The following PSMB3 variants were observed in gnomAD, a reference collection of about 807,000 sequenced individuals.
PSMB3 encodes the protein proteasome 20S subunit beta 3.
Under a neutral mutation model 23.3 loss-of-function variants are expected in PSMB3, and 5 were observed. That is an observed-to-expected ratio of 0.21 (90% CI 0.11 to 0.45). PSMB3 has a LOEUF of 0.45. Ranked by LOEUF, PSMB3 falls within the 20% of genes least tolerant of loss-of-function variation. The pLI is 0.99. For synonymous variants in PSMB3, 85 were observed against 99.8 expected, an observed-to-expected ratio of 0.85 and a Z score of 0.88; for missense variants, 192 against 277.9, an observed-to-expected ratio of 0.69 and a Z score of 2.20.
intron 2 of PSMB3, chr17:38,755,267 A>C (rs1908104550): frequency 6.6e-6 from 1 of 151,934 alleles, no homozygotes; most frequent in Non-Finnish European, 1.5e-5. Flanking sequence ...CACTGCGCCC[A>C]GCCTAAACAT....
chr17:38,764,072 G>A (rs753127081), intron 5 of PSMB3, 47 bp from the exon 6 acceptor site: 13 of 1,611,442 alleles, frequency 8.1e-6, no homozygotes, highest in Admixed American at 3.3e-5. Flanking sequence ...TCACAGTCAC[G>A]GTCCAGATGG....
At position 38,763,500 on chromosome 17, in the gene PSMB3, T is replaced by TC. The variant is rs1567646821; in HGVS notation, c.570-619_570-618insC. The stretch of plus-strand genomic sequence containing the variant: ...GGCTTGGAGGAGCTTCTTCCCCCTT[T>TC]TTTTTTTTTTTTTTTTTTTGAGATG... On this transcript the variant is annotated intron_variant, in intron 5 of 5. Transcript: ENST00000619426. Among the ~76,000 whole-genome samples the TC allele has an allele frequency of 2.6e-5, 3 of 117,592 alleles. No individual in the cohort carries two copies. The East Asian group carries it at 6.9e-4, about 27-fold the overall frequency. 77.1% of individuals were successfully genotyped at this position (117,592 alleles called of 152,430 possible).
At chr17:38,756,961 G>A (rs1257523798) in intron 3 of PSMB3, among the ~76,000 whole-genome samples, 6 of 148,666 alleles carry the variant, frequency 4.0e-5, no homozygotes, top group South Asian at 2.1e-4. Context: ...TCCACCTCCC[G>A]GGTCCAAGTG....
At chr17:38,753,512 T>C (rs1234428249) in intron 2 of PSMB3, among the ~76,000 whole-genome samples, 178 bp downstream of exon 2, 1 of 151,270 alleles carries the variant, frequency 6.6e-6, no homozygotes, top group Non-Finnish European at 1.5e-5. Context: ...AGGGACTTGC[T>C]CTGTCACCCA....
At chr17:38,760,772 G>C (rs1361555900) in intron 4 of PSMB3, among the ~76,000 whole-genome samples, 164 bp downstream of exon 4, 1 of 152,218 alleles carries the variant, frequency 6.6e-6, no homozygotes, top group Non-Finnish European at 1.5e-5. Flanking sequence ...CATCTGCCAG[G>C]CTGGCTGGCT....
At chr17:38,753,058 G>T in intron 1 of PSMB3, 92 bp from the exon 2 acceptor site, 1 of 1,373,096 alleles carries the variant, frequency 7.3e-7, no homozygotes, top group South Asian at 1.4e-5. Context: ...AATGGAGAAC[G>T]GGCGTACAGG....
At chr17:38,755,680 A>G (rs596696) in intron 2 of PSMB3, among the ~76,000 whole-genome samples, 43,981 of 101,726 alleles carry the variant, frequency 0.43, 9,569 homozygotes, top group East Asian at 0.51. Flanking sequence ...ATATATATAT[A>G]TATGTGTGTG....
chr17:38,753,003 C>A, intron 1 of PSMB3, 147 bp from the exon 2 acceptor site: 1 of 1,231,472 alleles, frequency 8.1e-7, no homozygotes, highest in Non-Finnish European at 1.1e-6. Context: ...TGCCGCCACA[C>A]AGTGCTCATC....
At chr17:38,759,539 TTTTC>T (rs1908345390) in intron 3 of PSMB3, among the ~76,000 whole-genome samples, 1 of 151,982 alleles carries the variant, frequency 6.6e-6, no homozygotes, top group African/African-American at 2.4e-5. Flanking sequence ...TCTTTTTTTT[TTTTC>T]TTTTCTTTTC....
At chr17:38,755,741 A>C (rs1908168339) in intron 2 of PSMB3, 142 bp from the exon 3 acceptor site, 1 of 588,282 alleles carries the variant, frequency 1.7e-6, no homozygotes, top group Non-Finnish European at 3.0e-6. Flanking sequence ...ACCAGTTGCT[A>C]CTTCCTAACA....
intron 5 of PSMB3, among the ~76,000 whole-genome samples, chr17:38,763,497 C>CTTT (rs67563765): frequency 0.015 from 1,160 of 76,052 alleles, 54 homozygotes; most frequent in African/African-American, 0.05. Flanking sequence ...CTTCTTCCCC[C>CTTT]TTTTTTTTTT....
At chr17:38,756,794 G>T (rs889709138) in intron 3 of PSMB3, among the ~76,000 whole-genome samples, 10 of 151,562 alleles carry the variant, frequency 6.6e-5, no homozygotes, top group African/African-American at 2.4e-4. Context: ...TGCCTGGCCT[G>T]ATCTCTTTTT....
At chr17:38,761,299 G>T (rs1173950944) in intron 4 of PSMB3, among the ~76,000 whole-genome samples, 1 of 143,106 alleles carries the variant, frequency 7.0e-6, no homozygotes, top group Non-Finnish European at 1.5e-5. Context: ...GGTGAACAAA[G>T]ATCGTGCCAT....
rs779999849 is a variant in PSMB3, at chr17:38,752,801, T to C, written c.-26T>C. On this transcript the variant is annotated 5_prime_UTR_variant, in exon 1 of 6. Transcript: ENST00000619426. This position sits in a 1 kb window ranked among gnomAD's most constrained non-coding sequence, Gnocchi z 5.5. ...CGGTTTACTGGAATTGCTCTGGCGATCGAGGGATCCTAGTACACCGCAATC... is the reference window on the plus strand; with the variant it reads ...CGGTTTACTGGAATTGCTCTGGCGACCGAGGGATCCTAGTACACCGCAATC... 1 of 1,614,078 alleles carries C rather than the reference T, an allele frequency of 6.2e-7. No individual in the cohort carries two copies. Among genetic ancestry groups the C allele is most frequent in the South Asian group, 1.1e-5 (1 of 91,080 alleles).
At chr17:38,753,366 G>A (rs1908022228) in intron 2 of PSMB3, 32 bp downstream of exon 2, 1 of 1,600,600 alleles carries the variant, frequency 6.2e-7, no homozygotes, top group Non-Finnish European at 8.5e-7. Context: ...CCACACCCAG[G>A]CCTCTTCTTG....
Position 38,752,921 on chromosome 17 carries a change from CG to C in PSMB3, c.3+93del. On this transcript the variant is annotated intron_variant, in intron 1 of 5. Transcript: ENST00000619426. This position sits in a 1 kb window ranked among gnomAD's most constrained non-coding sequence, Gnocchi z 5.5. ...CTTGGGGACGAAAAGGGCCTAGGGT[CG>C]ATGGAAGGAAGCGGTTTCAGTTCGA... is the stretch of plus-strand genomic sequence containing the variant. 1 of 1,551,002 alleles carries C rather than the reference CG, an allele frequency of 6.4e-7. No individual in the cohort carries two copies. Among genetic ancestry groups the C allele is most frequent in the South Asian group, 1.1e-5 (1 of 87,462 alleles).
chr17:38,759,677 T>C (rs2143239488), intron 3 of PSMB3, among the ~76,000 whole-genome samples: 1 of 152,254 alleles, frequency 6.6e-6, no homozygotes, highest in African/African-American at 2.4e-5. Flanking sequence ...CCTGAGTAGC[T>C]GGGACTATAG....
intron 2 of PSMB3, among the ~76,000 whole-genome samples, chr17:38,754,708 C>T (rs1234239976): frequency 6.6e-6 from 1 of 152,164 alleles, no homozygotes; most frequent in Non-Finnish European, 1.5e-5. Context: ...TTTCTCACTG[C>T]GTTTGCTTCC....
At chr17:38,762,572 C>A in intron 5 of PSMB3, 67 bp downstream of exon 5, 2 of 1,430,946 alleles carry the variant, frequency 1.4e-6, no homozygotes, top group Non-Finnish European at 2.0e-6. Flanking sequence ...TCTCCACGAG[C>A]ATACACCCCA....
Sources: gnomAD v4.1 joint callset for allele counts (sites outside exome capture counted in the v4.1 genomes callset) on GRCh38, gnomAD v4.1.1 for gene constraint, Gnocchi (gnomAD v3.1) non-coding constraint, MANE v1.5 for transcripts, NCBI Gene and HGNC (gene_info 2026-07-23, HGNC 2026-07-21) for gene names.